Variants in RETREG1 observed in about 807,000 individuals in gnomAD.
RETREG1 encodes the protein reticulophagy regulator 1.
Under a neutral mutation model 54.8 loss-of-function variants are expected in RETREG1, and 44 were observed. The observed-to-expected ratio is 0.80, with a 90% CI of 0.63 to 1.03. The LOEUF (loss-of-function observed/expected upper bound fraction) is 1.03. Among genes scored for constraint, RETREG1 ranks in the 50% least tolerant of loss-of-function variants. RETREG1 has a pLI of 0.00. For synonymous variants in RETREG1, 217 were observed against 238.5 expected (o/e 0.91, Z 0.83); for missense variants, 554 against 605.1 (o/e 0.92, Z 0.89).
intron 3 of RETREG1, among the ~76,000 whole-genome samples, chr5:16,541,780 GGAAGGAAGGAAGGA>G (rs1282249461): frequency 1.4e-5 from 2 of 147,850 alleles, no homozygotes; most frequent in Non-Finnish European, 3.0e-5. Context: ...AAGGAAGGAA[GGAAGGAAGGAAGGA>G]AGGAAAGGAA....
chr5:16,586,248 G>A (rs573805780), intron 1 of RETREG1, among the ~76,000 whole-genome samples: 3 of 152,302 alleles, frequency 2.0e-5, no homozygotes, highest in African/African-American at 4.8e-5. Flanking sequence ...GGAAATCTTT[G>A]TGTCTTTTAT....
chr5:16,616,507 G>T, intron 1 of RETREG1, 145 bp downstream of exon 1: 1 of 1,378,306 alleles, frequency 7.3e-7, no homozygotes, highest in Non-Finnish European at 9.7e-7. Context: ...ACCTGTTCGA[G>T]ACAGGTGGCC....
intron 3 of RETREG1, among the ~76,000 whole-genome samples, chr5:16,517,154 T>TCTTGGAATGAGGAGGAAGATATATCTAAC (rs1561100368): frequency 4.1e-5 from 6 of 144,718 alleles, no homozygotes; most frequent in Admixed American, 6.9e-5. Flanking sequence ...ATATATCTAA[T>TCTTGGAATGAGGAGGAAGATATATCTAAC]AGGAGTCTTG....
chr5:16,586,972 A>G (rs1742640860), intron 1 of RETREG1, among the ~76,000 whole-genome samples: 1 of 152,216 alleles, frequency 6.6e-6, no homozygotes, highest in South Asian at 2.1e-4. Context: ...GGTCTCTTTT[A>G]AAGGGCACTA....
At chr5:16,566,164 AC>A (rs1418006805) in intron 2 of RETREG1, among the ~76,000 whole-genome samples, 1 of 152,190 alleles carries the variant, frequency 6.6e-6, no homozygotes, top group Non-Finnish European at 1.5e-5. Flanking sequence ...GGAGGCACAC[AC>A]CATGTGAGTT....
At chr5:16,553,604 A>G (rs1054090385) in intron 3 of RETREG1, among the ~76,000 whole-genome samples, 1 of 152,070 alleles carries the variant, frequency 6.6e-6, no homozygotes, top group African/African-American at 2.4e-5. Context: ...TTCATATTTC[A>G]TTTAAATATA....
At chr5:16,562,036 C>T (rs182189744) in intron 3 of RETREG1, among the ~76,000 whole-genome samples, 94 of 152,304 alleles carry the variant, frequency 6.2e-4, no homozygotes, top group Middle Eastern at 3.4e-3. Flanking sequence ...AAGACACTGC[C>T]GGGCACAGTG....
At chr5:16,509,441 C>T (rs1259689836) in intron 3 of RETREG1, 1 of 152,178 alleles carries the variant, frequency 6.6e-6, no homozygotes, top group Non-Finnish European at 1.5e-5. Context: ...GACACTGGCA[C>T]AGGAAGGATT....
chr5:16,557,661 A>C (rs1044704943), intron 3 of RETREG1, among the ~76,000 whole-genome samples: 1 of 152,130 alleles, frequency 6.6e-6, no homozygotes, highest in African/African-American at 2.4e-5. Context: ...AAAAGGGAAT[A>C]AAAGGCCCAT....
rs1043203813 is a variant in RETREG1 at position 16,599,954 on chromosome 5, C to T, written c.320+16698G>A. 1.6e-3 allele frequency among the ~76,000 whole-genome samples: 242 copies of T among 152,222 alleles called. 1 individual carries two copies. Among genetic ancestry groups the T allele is most frequent in the African/African-American group, 5.6e-3 (231 of 41,530 alleles). ...TGCAAGGGTAAGGCCCCCAAAAGCA[C>T]GTCCCCCTGAGCTGCAGGTCCCAGG... On this transcript the variant is annotated intron_variant, in intron 1 of 8. Transcript: ENST00000306320.
intron 3 of RETREG1, among the ~76,000 whole-genome samples, chr5:16,492,171 G>A (rs913622942): frequency 1.3e-5 from 2 of 150,366 alleles, no homozygotes; most frequent in African/African-American, 4.9e-5. Flanking sequence ...ACTGCACCCC[G>A]CTGGAGAACA....
chr5:16,610,483 G>C (rs1193064488), intron 1 of RETREG1, among the ~76,000 whole-genome samples: 1 of 152,088 alleles, frequency 6.6e-6, no homozygotes, highest in East Asian at 1.9e-4. Flanking sequence ...CTACAGAATG[G>C]GAGAAAATTT....
intron 1 of RETREG1, among the ~76,000 whole-genome samples, chr5:16,614,762 G>A (rs913650554): frequency 1.1e-4 from 16 of 152,186 alleles, no homozygotes; most frequent in African/African-American, 3.9e-4. Context: ...AAACATTACT[G>A]CCTCAGTAGG....
intron 7 of RETREG1, 99 bp downstream of exon 7, chr5:16,477,935 A>C (rs1684256368): frequency 7.4e-7 from 1 of 1,348,286 alleles, no homozygotes; most frequent in African/African-American, 1.5e-5. Flanking sequence ...TCTTACAGAA[A>C]TATGAGGAGT....
chr5:16,611,222 G>A (rs1430423570), intron 1 of RETREG1, among the ~76,000 whole-genome samples: 1 of 152,208 alleles, frequency 6.6e-6, no homozygotes, highest in East Asian at 1.9e-4. Context: ...CTTGGACACA[G>A]GAAGGGGAAC....
chr5:16,533,081 C>G (rs972692229), intron 3 of RETREG1, among the ~76,000 whole-genome samples: 1 of 151,308 alleles, frequency 6.6e-6, no homozygotes, highest in Non-Finnish European at 1.5e-5. Flanking sequence ...GAGTCTCTCT[C>G]TCGCCCAGGC....
intron 4 of RETREG1, 134 bp downstream of exon 4, chr5:16,483,212 A>C: frequency 9.8e-7 from 1 of 1,024,632 alleles, no homozygotes; most frequent in Non-Finnish European, 1.5e-6. Context: ...TGCTGATACC[A>C]GCTTTTATGG....
Position 16,616,697 on chromosome 5 carries a change from G to T in RETREG1, c.275C>A (p.Pro92Gln). ...GACGAAGCCGAGCAGGCTCCGCAGC[G>T]GCCTCTTCCAGCTCAGCAGCTCGTC... ...RADELLSWKR[P>Q]LRSLLGFVAA... Residue 92 changes from proline to glutamine, a missense_variant, in exon 1 of 9, where the codon CCG (proline) becomes CAG (glutamine). Physicochemically the swap from Pro to Gln is moderately conservative, Grantham distance 76 (BLOSUM62 -1). Coordinates refer to ENST00000306320, the MANE Select transcript of RETREG1 (RefSeq NM_001034850.3). 1 of 1,594,866 alleles carries T rather than the reference G, an allele frequency of 6.3e-7. No individual in the cohort carries two copies. The highest frequency in any genetic ancestry group is 8.5e-7 in the Non-Finnish European group (1 of 1,177,130).
At position 16,615,412 on chromosome 5, in the gene RETREG1, A is replaced by AAG. The variant is rs57665574; in HGVS notation, c.320+1239_320+1240insCT. The stretch of plus-strand genomic sequence containing the variant: ...GAGACTCCATCTCAAAAAAAAAAAA[A>AAG]AAAGAAAGAAAGAAAGAAAAGAAAA... On this transcript the variant is annotated intron_variant, in intron 1 of 8. Coordinates refer to ENST00000306320, the MANE Select transcript of RETREG1 (RefSeq NM_001034850.3). 5.9e-4 allele frequency among the ~76,000 whole-genome samples: 88 copies of AAG among 150,196 alleles called. 1 individual carries two copies. The highest frequency in any genetic ancestry group is 6.2e-4 in the African/African-American group (25 of 40,242).
Sources: allele counts gnomAD v4.1 joint callset (sites outside exome capture counted in the v4.1 genomes callset), GRCh38; gene constraint gnomAD v4.1.1; transcripts MANE v1.5; gene names NCBI Gene and HGNC (gene_info 2026-07-23, HGNC 2026-07-21).